The following TMEM161A variants were observed in gnomAD, a reference collection of about 807,000 sequenced individuals.
TMEM161A encodes adaptive response to oxidative stress protein 29.
In TMEM161A, 46 loss-of-function variants were observed where a neutral mutation model predicts 57.1. The observed-to-expected ratio is 0.81, with a 90% CI of 0.64 to 1.03. TMEM161A has a LOEUF of 1.03. Ranked by LOEUF, TMEM161A falls within the 50% of genes least tolerant of loss-of-function variation. The pLI, the probability that TMEM161A is intolerant of heterozygous loss-of-function variation, is 0.00. For synonymous variants in TMEM161A, 288 were observed against 279.0 expected (o/e 1.03, Z -0.32); for missense variants, 601 against 621.5 (o/e 0.97, Z 0.35).
intron 6 of TMEM161A, among the ~76,000 whole-genome samples, chr19:19,125,476 G>A (rs1044856327): frequency 6.7e-4 from 100 of 149,424 alleles, no homozygotes; most frequent in African/African-American, 2.2e-4. Context: ...TCAGCCTCCC[G>A]AGTAGCTGGG....
chr19:19,123,762 A>G (rs1186242172), intron 6 of TMEM161A, among the ~76,000 whole-genome samples: 1 of 152,216 alleles, frequency 6.6e-6, no homozygotes, highest in African/African-American at 2.4e-5. Flanking sequence ...AACTAGACTA[A>G]GAAGTAGTAT....
rs35101167 is a variant in TMEM161A, at chr19:19,121,551, G to A, written c.774C>T (p.Thr258=). 7,535 of 1,613,988 alleles carry A rather than the reference G, an allele frequency of 4.7e-3. 289 individuals are homozygous for A. The African/African-American group carries it at 0.087, about 19-fold the overall frequency. The change falls in exon 8 of 12, where the codon ACC becomes ACT. Residue 258 remains threonine, a synonymous_variant. Transcript: ENST00000162044. The surrounding 1 kb of genome is among the most constrained non-coding windows in gnomAD (Gnocchi z 5.8). ...RLAQTHRDAL[T]MSEDRPMLQF... ...GCAGCATGGGTCTGTCCTCCGACAT[G>A]GTCAGTGCGTCCCGGTGGGTCTGGG...
intron 2 of TMEM161A, among the ~76,000 whole-genome samples, chr19:19,133,620 C>T (rs1192036285): frequency 7.9e-5 from 12 of 151,978 alleles, no homozygotes; most frequent in South Asian, 2.1e-4. Context: ...TACAGGCATG[C>T]GCCACCATGC....
At position 19,120,854 on chromosome 19, in the gene TMEM161A, C is replaced by T. The variant is rs1166762510; in HGVS notation, c.1097G>A (p.Arg366Gln). 15 of 1,613,262 alleles carry T rather than the reference C, an allele frequency of 9.3e-6. No homozygotes were observed. The highest frequency in any genetic ancestry group is 1.7e-5 in the Admixed American group (1 of 60,008). Reference sequence around the variant, plus strand: ...CACCACGGTCACATAGCAGTAGACTCGGACCACCTGTGGGCAGGTAGCAGG... The same window carrying T: ...CACCACGGTCACATAGCAGTAGACTTGGACCACCTGTGGGCAGGTAGCAGG... ...EAREIQQRVVRVYCYVTVVSL... is the reference protein window; with the variant it reads ...EAREIQQRVVQVYCYVTVVSL... The change falls in exon 11 of 12, where the codon CGA becomes CAA. Residue 366 changes from arginine to glutamine, a missense_variant. Physicochemically the swap from Arg to Gln is conservative, Grantham distance 43. Transcript: ENST00000162044.
intron 10 of TMEM161A, 63 bp from the exon 11 acceptor site, chr19:19,120,924 C>T: frequency 6.2e-7 from 1 of 1,611,768 alleles, no homozygotes; most frequent in East Asian, 2.2e-5. Context: ...GACTCCACGC[C>T]CAAAGGACCA....
rs757039588 is a variant in TMEM161A at position 19,134,889 on chromosome 19, T to TG, written c.4-3dup. ...CACCAGCTGTACTCCGAGGACCGCC[T>TG]GGGGGGAGGGGACATGACTGGCAGC... On this transcript the variant is annotated splice_polypyrimidine_tract_variant and splice_region_variant and intron_variant, in intron 1 of 11. Transcript: ENST00000162044. 3 of 1,579,680 alleles carry TG rather than the reference T, an allele frequency of 1.9e-6. No homozygotes were observed. Among genetic ancestry groups the TG allele is most frequent in the Non-Finnish European group, 2.6e-6 (3 of 1,162,666 alleles).
intron 6 of TMEM161A, among the ~76,000 whole-genome samples, chr19:19,124,045 ACT>A (rs2059921331): frequency 6.6e-6 from 1 of 151,310 alleles, no homozygotes; most frequent in South Asian, 2.1e-4. Flanking sequence ...CGAGAGCAAA[ACT>A]CTGTCTCAAA....
intron 6 of TMEM161A, among the ~76,000 whole-genome samples, chr19:19,125,617 C>A (rs1254329909): frequency 6.7e-6 from 1 of 149,648 alleles, no homozygotes; most frequent in Non-Finnish European, 1.5e-5. Flanking sequence ...CCCGGGTTCA[C>A]GCCATTCTCC....
Position 19,121,765 on chromosome 19 carries a change from TC to T in TMEM161A, c.649del (p.Asp217ThrfsTer41). ...CCCCATTCCCAGGACTCACGCCCAG[TC>T]CCAGCCCTGCTTCTTCAGAAGTGGC... ...LEPLLKKQGW[D>X]WALPVAKLAI... On this transcript the variant is annotated frameshift_variant, in exon 7 of 12. Coordinates refer to ENST00000162044, the MANE Select transcript of TMEM161A (RefSeq NM_017814.3). LOFTEE classifies it high-confidence loss of function. The surrounding 1 kb of genome is among the most constrained non-coding windows in gnomAD (Gnocchi z 5.8). 1 of 1,614,000 alleles carries T rather than the reference TC, an allele frequency of 6.2e-7. No individual in the cohort carries two copies. Among genetic ancestry groups the T allele is most frequent in the Non-Finnish European group, 8.5e-7 (1 of 1,180,000 alleles).
At chr19:19,125,903 T>C (rs1486597917) in intron 6 of TMEM161A, among the ~76,000 whole-genome samples, 2 of 151,390 alleles carry the variant, frequency 1.3e-5, no homozygotes, top group Non-Finnish European at 3.0e-5. Context: ...CTGAGGCAGG[T>C]GGATTGCCTG....
chr19:19,119,940 G>A lies in TMEM161A; in HGVS notation c.1430C>T (p.Ala477Val), dbSNP rs1171854337. The stretch of plus-strand genomic sequence containing the variant: ...AGGGTCTGCAGGCAGCTAGGAGCCT[G>A]CCAAGTGCTGGTGGAAGTAGAGGCC... The part of the protein sequence containing the change: ...LFGLYFHQHL[A>V]GS Residue 477 changes from alanine (A) to valine (V), a missense_variant, in exon 12 of 12, where the codon GCA becomes GTA. Ala to Val is a moderately conservative substitution (Grantham distance 64). Coordinates refer to ENST00000162044, the MANE Select transcript of TMEM161A (RefSeq NM_017814.3). 1 of 1,556,888 alleles carries A rather than the reference G, an allele frequency of 6.4e-7. No individual in the cohort carries two copies. Among genetic ancestry groups the A allele is most frequent in the Non-Finnish European group, 8.7e-7 (1 of 1,151,524 alleles).
rs2059897878 is a variant in TMEM161A, at chr19:19,119,758, C to CAA, written c.*171_*172insTT. Reference sequence around the variant, plus strand: ...GGGCCCAGGAGAGACAGTTCTGAGGCAGAAACTCGGCGTCCAAGGGGGGCC... The same window carrying CAA: ...GGGCCCAGGAGAGACAGTTCTGAGGCAAAGAAACTCGGCGTCCAAGGGGGGCC... On this transcript the variant is annotated 3_prime_UTR_variant, in exon 12 of 12. Coordinates refer to ENST00000162044, the MANE Select transcript of TMEM161A (RefSeq NM_017814.3). 5 of 777,622 alleles carry CAA rather than the reference C, an allele frequency of 6.4e-6. No homozygotes were observed. Among genetic ancestry groups the CAA allele is most frequent in the Non-Finnish European group, 1.0e-5 (5 of 498,272 alleles). 48.2% of individuals were successfully genotyped at this position (777,622 alleles called of 1,614,324 possible). A position where few individuals can be genotyped will look rare whatever the true frequency, so the allele number is the denominator to read the frequency against.
intron 6 of TMEM161A, among the ~76,000 whole-genome samples, chr19:19,126,733 G>A (rs1339292385): frequency 1.3e-5 from 2 of 152,030 alleles, no homozygotes; most frequent in Non-Finnish European, 2.9e-5. Context: ...AGCCAGGTGT[G>A]GTGGCGCACA....
Position 19,132,786 on chromosome 19 carries a change from T to A in TMEM161A, c.189-32A>T. 1 of 1,496,766 alleles carries A rather than the reference T, an allele frequency of 6.7e-7. No homozygotes were observed. Among genetic ancestry groups the A allele is most frequent in the Non-Finnish European group, 9.0e-7 (1 of 1,114,168 alleles). 92.7% of individuals were successfully genotyped at this position (1,496,766 alleles called of 1,614,324 possible). A position where few individuals can be genotyped will look rare whatever the true frequency, so the allele number is the denominator to read the frequency against. On this transcript the variant is annotated intron_variant, in intron 3 of 11. Transcript: ENST00000162044. The surrounding 1 kb of genome is among the most constrained non-coding windows in gnomAD (Gnocchi z 4.3). ...GGATGGTGACAAGCAAGAGGGACGG[T>A]GAGCACGCATTCCACTGAGGCCAGC...
intron 6 of TMEM161A, among the ~76,000 whole-genome samples, chr19:19,124,339 T>C (rs905773622): frequency 5.9e-5 from 9 of 152,166 alleles, no homozygotes; most frequent in African/African-American, 2.2e-4. Context: ...CCAGGGAATA[T>C]GTCCTTCAAT....
rs1212028321 is a variant in TMEM161A, at chr19:19,120,037, G to A, written c.1333C>T (p.Leu445Phe). The A allele has an allele frequency of 1.2e-6, 2 of 1,601,236 alleles. No homozygotes were observed. The highest frequency in any genetic ancestry group is 3.4e-5 in the Admixed American group (2 of 58,190). Residue 445 changes from leucine to phenylalanine, a missense_variant, in exon 12 of 12, where the codon CTC becomes TTC. By Grantham distance (22) the Leu-to-Phe change is conservative. Transcript: ENST00000162044. ...AGALGGLLTP[L>F]FLRGVLAYLI... ...TAGGCCAGGACGCCACGGAGGAAGA[G>A]GGGAGTAAGCAGGCCACCCAGAGCC...
At position 19,132,953 on chromosome 19, in the gene TMEM161A, A is replaced by G; in HGVS notation, c.188+177T>C. The G allele has an allele frequency of 1.4e-6, 1 of 709,334 alleles. No homozygotes were observed. Among genetic ancestry groups the G allele is most frequent in the Non-Finnish European group, 2.3e-6 (1 of 432,144 alleles). 43.9% of individuals were successfully genotyped at this position (709,334 alleles called of 1,614,324 possible). A position where few individuals can be genotyped will look rare whatever the true frequency, so the allele number is the denominator to read the frequency against. On this transcript the variant is annotated intron_variant, in intron 3 of 11. Coordinates refer to ENST00000162044, the MANE Select transcript of TMEM161A (RefSeq NM_017814.3). This position sits in a 1 kb window ranked among gnomAD's most constrained non-coding sequence, Gnocchi z 4.3. ...CTGCCAGGAAACAGATGCTAACTTG[A>G]CAGTGACCATCTCCTTGGACTAGGG...
rs2059900628 is a variant in TMEM161A at position 19,120,093 on chromosome 19, T to G, written c.1277A>C (p.Glu426Ala). 2 of 1,582,540 alleles carry G rather than the reference T, an allele frequency of 1.3e-6. No homozygotes were observed. The highest frequency in any genetic ancestry group is 4.6e-5 in the East Asian group (2 of 43,468). ...SAAPIGSGED[E>A]VQQTAARIAG... ...AATCCGCGCTGCAGTCTGCTGGACT[T>G]CGTCCTCCCCAGAGCCGATGGGGGC... is the stretch of plus-strand genomic sequence containing the variant. The change falls in exon 12 of 12, where the codon GAA (glutamate) becomes GCA (alanine). Residue 426 changes from glutamate to alanine, a missense_variant. Physicochemically the swap from Glu to Ala is moderately radical, Grantham distance 107. Transcript: ENST00000162044.
In TMEM161A at chr19:19,121,197, A is replaced by G. The variant is rs771484185; in HGVS notation, c.915-31T>C. 1.3e-6 allele frequency: 2 copies of G among 1,574,056 alleles called. No homozygotes were observed. The highest frequency in any genetic ancestry group is 1.7e-6 in the Non-Finnish European group (2 of 1,159,698). ...CGGAGAGGGCCGGGGGCAAGGGACT[A>G]AGAAGGTCGCCCCCGACCCCCCAGG... On this transcript the variant is annotated intron_variant, in intron 9 of 11. Transcript: ENST00000162044. This position sits in a 1 kb window ranked among gnomAD's most constrained non-coding sequence, Gnocchi z 5.8.
Sources: gnomAD v4.1 joint callset for allele counts (sites outside exome capture counted in the v4.1 genomes callset) on GRCh38, gnomAD v4.1.1 for gene constraint, Gnocchi (gnomAD v3.1) non-coding constraint, MANE v1.5 for transcripts, NCBI Gene and HGNC (gene_info 2026-07-23, HGNC 2026-07-21) for gene names.